The following PSMD8 variants were observed in gnomAD, a reference collection of about 807,000 sequenced individuals.
PSMD8 encodes proteasome 26S subunit, non-ATPase 8, also known as 26S proteasome non-ATPase regulatory subunit 8.
Under a neutral mutation model 40.0 loss-of-function variants are expected in PSMD8, and 30 were observed. The ratio of observed to expected loss-of-function variants is 0.75; its 90% CI spans 0.56 to 1.02. The LOEUF (loss-of-function observed/expected upper bound fraction) is 1.02, where lower values mean the gene tolerates loss of function less well. Among genes scored for constraint, PSMD8 ranks in the 50% least tolerant of loss-of-function variants. The pLI, the probability that PSMD8 is intolerant of heterozygous loss-of-function variation, is 0.00. For missense variants in PSMD8, 461 were observed against 463.9 expected (o/e 0.99, Z 0.06); for synonymous variants, 208 against 192.5 (o/e 1.08, Z -0.67).
chr19:38,383,395 C>T lies in PSMD8; in HGVS notation c.*5C>T. 6.2e-7 allele frequency: 1 copy of T among 1,613,940 alleles called. No homozygotes were observed. Reference sequence around the variant, plus strand: ...CAGCTGGAGATGATCGTCTGAGCCCCCCGGGCACTGGGTGGGGCAGGGCAC... The same window carrying T: ...CAGCTGGAGATGATCGTCTGAGCCCTCCGGGCACTGGGTGGGGCAGGGCAC... On this transcript the variant is annotated 3_prime_UTR_variant, in exon 7 of 7. Transcript: ENST00000215071.
rs1397584790 is a variant in PSMD8 at position 38,376,205 on chromosome 19, C to G, written c.406C>G (p.Leu136Val). The G allele has an allele frequency of 1.9e-6, 3 of 1,608,132 alleles. No homozygotes were observed. Among genetic ancestry groups the G allele is most frequent in the African/African-American group, 1.3e-5 (1 of 74,810 alleles). ...CTTCTTGCCAACCACAGGGACCAAG[C>G]TGACCAAACAGCAGCTAATTCTGGC... ...LNFLPTTGTK[L>V]TKQQLILARD... is the part of the protein sequence containing the mutation. Residue 136 changes from leucine (L) to valine (V), a missense_variant, in exon 2 of 7, where the codon CTG (leucine) becomes GTG (valine). Leu to Val is a conservative substitution (Grantham distance 32, BLOSUM62 1). Coordinates refer to ENST00000215071, the MANE Select transcript of PSMD8 (RefSeq NM_002812.5).
Position 38,376,413 on chromosome 19 carries a change from G to C in PSMD8, c.495G>C (p.Glu165Asp). Residue 165 changes from glutamate to aspartate, a missense_variant, in exon 3 of 7, where the codon GAG becomes GAC. Coordinates refer to ENST00000215071, the MANE Select transcript of PSMD8 (RefSeq NM_002812.5). ...TACGCAAGGACATCCCCTCCTTCGAGCGCTACATGGCCCAGCTCAAATGCT... is the reference window on the plus strand; with the variant it reads ...TACGCAAGGACATCCCCTCCTTCGACCGCTACATGGCCCAGCTCAAATGCT... ...SILRKDIPSFERYMAQLKCYY... is the reference protein window; with the variant it reads ...SILRKDIPSFDRYMAQLKCYY... 6.4e-7 allele frequency: 1 copy of C among 1,552,384 alleles called. No homozygotes were observed. Among genetic ancestry groups the C allele is most frequent in the Non-Finnish European group, 8.7e-7 (1 of 1,147,328 alleles).
At chr19:38,379,210 T>C in intron 3 of PSMD8, 30 bp from the exon 4 acceptor site, 2 of 1,609,046 alleles carry the variant, frequency 1.2e-6, no homozygotes, top group Non-Finnish European at 1.7e-6. Flanking sequence ...TAAATCCTCC[T>C]TAACCTGCTT....
chr19:38,374,990 T>C, intron 1 of PSMD8, 29 bp downstream of exon 1: 1 of 1,539,262 alleles, frequency 6.5e-7, no homozygotes, highest in East Asian at 2.4e-5. Flanking sequence ...GGAAACCGAG[T>C]GTTGCGGGCG....
chr19:38,377,346 T>A (rs1272346754), intron 3 of PSMD8, among the ~76,000 whole-genome samples: 2 of 151,580 alleles, frequency 1.3e-5, no homozygotes, highest in Non-Finnish European at 2.9e-5. Context: ...ACACCACCAC[T>A]CCTGGCTCTT....
intron 4 of PSMD8, among the ~76,000 whole-genome samples, chr19:38,380,274 A>G (rs74636255): frequency 0.048 from 7,301 of 152,298 alleles, 305 homozygotes; most frequent in East Asian, 0.13. Context: ...CAACAGGCTC[A>G]AAAAAGAAAA....
chr19:38,380,561 A>T (rs2145128800), intron 4 of PSMD8, among the ~76,000 whole-genome samples: 1 of 150,000 alleles, frequency 6.7e-6, no homozygotes, highest in Admixed American at 6.6e-5. Flanking sequence ...GTGTACAGGG[A>T]TGAGCCTGTG....
At chr19:38,375,222 C>T (rs1477169015) in intron 1 of PSMD8, 12 of 533,502 alleles carry the variant, frequency 2.2e-5, no homozygotes, top group Non-Finnish European at 3.6e-5. Flanking sequence ...GGGGGAGCGT[C>T]GCTTGAGCCC....
rs115685545 is a variant in PSMD8 at position 38,376,480 on chromosome 19, G to A, written c.536+26G>A. On this transcript the variant is annotated intron_variant, in intron 3 of 6. Coordinates refer to ENST00000215071, the MANE Select transcript of PSMD8 (RefSeq NM_002812.5). ...GTGAGAATGGGCCCTGCCCCCAACTGGGGGGGTGGTTGCATGGAAGCTCCT... is the reference window on the plus strand; with the variant it reads ...GTGAGAATGGGCCCTGCCCCCAACTAGGGGGGTGGTTGCATGGAAGCTCCT... 2.6e-6 allele frequency: 4 copies of A among 1,510,058 alleles called. No individual in the cohort carries two copies. In the East Asian group the frequency reaches 7.4e-5, roughly 28 times the overall value. The allele number at this position is 1,510,058 out of a possible 1,614,324, so 93.5% of individuals were successfully genotyped here.
intron 6 of PSMD8, 127 bp downstream of exon 6, chr19:38,382,355 C>G (rs1173416877): frequency 1.3e-6 from 1 of 750,364 alleles, no homozygotes; most frequent in Non-Finnish European, 2.3e-6. Flanking sequence ...TGACTCTAGG[C>G]AAGCTGCCAA....
intron 1 of PSMD8, 26 bp downstream of exon 1, chr19:38,374,987 G>C: frequency 6.5e-7 from 1 of 1,540,632 alleles, no homozygotes; most frequent in Non-Finnish European, 8.7e-7. Context: ...CCAGGAAACC[G>C]AGTGTTGCGG....
Position 38,379,247 on chromosome 19 carries a change from C to G in PSMD8, c.544C>G (p.Leu182Val). ...KCYYFDYKEQ[L>V]PESAYMHQLL... ...CCCATCCCACGTCCACAGGGAGCAG[C>G]TCCCCGAGTCAGCCTATATGCACCA... Residue 182 changes from leucine (L) to valine (V), a missense_variant, in exon 4 of 7, where the codon CTC becomes GTC. Coordinates refer to ENST00000215071, the MANE Select transcript of PSMD8 (RefSeq NM_002812.5). The G allele has an allele frequency of 6.2e-7, 1 of 1,613,518 alleles. No homozygotes were observed. The highest frequency in any genetic ancestry group is 1.1e-5 in the South Asian group (1 of 91,034).
chr19:38,379,340 G>A lies in PSMD8; in HGVS notation c.637G>A (p.Glu213Lys). Residue 213 changes from glutamate (E) to lysine (K), a missense_variant, in exon 4 of 7, where the codon GAG becomes AAG. Glu to Lys is a moderately conservative substitution (Grantham distance 56). Transcript: ENST00000215071. ...GGTGGCTGAGTTCCACACGGAGTTG[G>A]AGCGGCTGCCTGCCAAGGACATACA... ...NRVAEFHTEL[E>K]RLPAKDIQTN... is the part of the protein sequence containing the mutation. 6.2e-7 allele frequency: 1 copy of A among 1,614,000 alleles called. No homozygotes were observed. Among genetic ancestry groups the A allele is most frequent in the South Asian group, 1.1e-5 (1 of 91,084 alleles).
chr19:38,383,312 G>A lies in PSMD8; in HGVS notation c.975G>A (p.Pro325=), dbSNP rs1405505332. The change falls in exon 7 of 7, where the codon CCG becomes CCA. Residue 325 remains proline, a synonymous_variant. Coordinates refer to ENST00000215071, the MANE Select transcript of PSMD8 (RefSeq NM_002812.5). ...GTTTTGCCAGCCAGCAGCAGAAGCC[G>A]GAAGACACCACCATTCCCTCCACAG... The part of the protein sequence containing the change: ...YYSFASQQQK[P]EDTTIPSTEL... The A allele has an allele frequency of 6.2e-6, 10 of 1,613,582 alleles. No homozygotes were observed. Among genetic ancestry groups the A allele is most frequent in the South Asian group, 2.2e-5 (2 of 91,056 alleles).
In PSMD8 at chr19:38,380,888, G is replaced by T; in HGVS notation, c.703-11G>T. 6.4e-7 allele frequency: 1 copy of T among 1,554,368 alleles called. No individual in the cohort carries two copies. The highest frequency in any genetic ancestry group is 8.7e-7 in the Non-Finnish European group (1 of 1,147,808). ...TCATTCTCTCTTCTTCCCCCTTCCC[G>T]GCTTCTGCAGTACCTGATGGAGGGC... is the stretch of plus-strand genomic sequence containing the variant. On this transcript the variant is annotated splice_polypyrimidine_tract_variant and intron_variant, in intron 4 of 6. Transcript: ENST00000215071.
At position 38,379,292 on chromosome 19, in the gene PSMD8, C is replaced by T. The variant is rs1417215257; in HGVS notation, c.589C>T (p.Leu197Phe). 6.2e-7 allele frequency: 1 copy of T among 1,614,016 alleles called. No individual in the cohort carries two copies. Among genetic ancestry groups the T allele is most frequent in the South Asian group, 1.1e-5 (1 of 91,084 alleles). The change falls in exon 4 of 7, where the codon CTC becomes TTC. Residue 197 changes from leucine to phenylalanine, a missense_variant. Coordinates refer to ENST00000215071, the MANE Select transcript of PSMD8 (RefSeq NM_002812.5). ...GCACCAGCTCTTGGGCCTCAACCTC[C>T]TCTTCCTGCTGTCCCAGAACCGGGT... ...YMHQLLGLNL[L>F]FLLSQNRVAE...
At chr19:38,382,997 A>G (rs1568389059) in intron 6 of PSMD8, 4 of 501,556 alleles carry the variant, frequency 8.0e-6, no homozygotes, top group African/African-American at 5.7e-5. Flanking sequence ...CAGGCCAAAC[A>G]CTATCCTCAG....
chr19:38,382,315 C>A, intron 6 of PSMD8, 87 bp downstream of exon 6: 1 of 1,028,938 alleles, frequency 9.7e-7, no homozygotes, highest in Non-Finnish European at 1.5e-6. Flanking sequence ...GACACTGGAA[C>A]AAGACTGCCC....
chr19:38,381,238 G>C, intron 5 of PSMD8: 1 of 447,466 alleles, frequency 2.2e-6, no homozygotes, highest in East Asian at 3.9e-5. Flanking sequence ...TGTCAAACCT[G>C]AGCATGGAAT....
Sources: gnomAD v4.1 joint callset for allele counts (sites outside exome capture counted in the v4.1 genomes callset) on GRCh38, gnomAD v4.1.1 for gene constraint, MANE v1.5 for transcripts, NCBI Gene and HGNC (gene_info 2026-07-23, HGNC 2026-07-21) for gene names.